Variants in LRRC8D observed in about 807,000 individuals in gnomAD.
LRRC8D encodes the protein leucine rich repeat containing 8 VRAC subunit D.
Under a neutral mutation model 55.8 loss-of-function variants are expected in LRRC8D, and 20 were observed. The ratio of observed to expected loss-of-function variants is 0.36; its 90% CI spans 0.25 to 0.52. The LOEUF (loss-of-function observed/expected upper bound fraction) is 0.52, where lower values mean the gene tolerates loss of function less well. LRRC8D is among the 20% of genes least tolerant of loss of function. LRRC8D has a pLI of 0.93. For synonymous variants in LRRC8D, 352 were observed against 377.0 expected, an observed-to-expected ratio of 0.93 and a Z score of 0.77; for missense variants, 651 against 1,030.8, an observed-to-expected ratio of 0.63 and a Z score of 5.05.
At chr1:89,887,433 C>T (rs906439731) in intron 2 of LRRC8D, among the ~76,000 whole-genome samples, 1 of 152,182 alleles carries the variant, frequency 6.6e-6, no homozygotes, top group Non-Finnish European at 1.5e-5. Flanking sequence ...CAGAATGACA[C>T]ACATGATCTA....
At chr1:89,929,507 T>G (rs1215316664) in intron 2 of LRRC8D, among the ~76,000 whole-genome samples, 3 of 152,150 alleles carry the variant, frequency 2.0e-5, no homozygotes, top group Non-Finnish European at 4.4e-5. Flanking sequence ...ATAATCATGG[T>G]GTAAAAGACA....
chr1:89,875,040 TG>T (rs920136325), intron 2 of LRRC8D, among the ~76,000 whole-genome samples: 5 of 152,108 alleles, frequency 3.3e-5, no homozygotes, highest in African/African-American at 4.8e-5. Flanking sequence ...CATTATTTAG[TG>T]GGGGGAATAT....
At chr1:89,826,453 A>C (rs1292767224) in intron 1 of LRRC8D, among the ~76,000 whole-genome samples, 1 of 151,958 alleles carries the variant, frequency 6.6e-6, no homozygotes, top group Non-Finnish European at 1.5e-5. Flanking sequence ...TTTAGTAGAG[A>C]TGGGGTTTCA....
chr1:89,854,827 T>C (rs1661511770), intron 2 of LRRC8D, among the ~76,000 whole-genome samples: 1 of 152,152 alleles, frequency 6.6e-6, no homozygotes, highest in Non-Finnish European at 1.5e-5. Context: ...CGTACCCAGG[T>C]GTCTGCAGTT....
At chr1:89,879,280 G>T (rs1662221401) in intron 2 of LRRC8D, among the ~76,000 whole-genome samples, 1 of 152,148 alleles carries the variant, frequency 6.6e-6, no homozygotes. Context: ...TTTAGAAGGT[G>T]GTTCCAATTA....
chr1:89,901,736 GAAAT>G (rs1232485060), intron 2 of LRRC8D, among the ~76,000 whole-genome samples: 2 of 152,214 alleles, frequency 1.3e-5, no homozygotes, highest in African/African-American at 4.8e-5. Flanking sequence ...GCTGCTTAAA[GAAAT>G]AAAGCCGTGA....
chr1:89,910,983 C>T (rs986689122), intron 2 of LRRC8D, among the ~76,000 whole-genome samples: 3 of 152,094 alleles, frequency 2.0e-5, no homozygotes, highest in South Asian at 2.1e-4. Context: ...GTAAACTAGC[C>T]GCTGTAGGTC....
At chr1:89,909,692 C>T (rs1392673048) in intron 2 of LRRC8D, among the ~76,000 whole-genome samples, 1 of 151,880 alleles carries the variant, frequency 6.6e-6, no homozygotes, top group Admixed American at 6.6e-5. Flanking sequence ...CGGTGAAACC[C>T]CGTCTCTACT....
At chr1:89,928,812 C>T (rs1264251744) in intron 2 of LRRC8D, among the ~76,000 whole-genome samples, 1 of 152,214 alleles carries the variant, frequency 6.6e-6, no homozygotes, top group Non-Finnish European at 1.5e-5. Context: ...TGCAAAATAA[C>T]ACTGGTTGCA....
chr1:89,829,657 G>A (rs972989618), intron 1 of LRRC8D, among the ~76,000 whole-genome samples: 2 of 152,146 alleles, frequency 1.3e-5, no homozygotes, highest in South Asian at 2.1e-4. Flanking sequence ...CCTCTGGTTC[G>A]TGCTGCGTGT....
At chr1:89,892,550 G>A (rs1175808154) in intron 2 of LRRC8D, among the ~76,000 whole-genome samples, 5 of 151,300 alleles carry the variant, frequency 3.3e-5, no homozygotes, top group African/African-American at 9.7e-5. Context: ...AGACAGTCTC[G>A]CTCTGTCGCC....
intron 2 of LRRC8D, among the ~76,000 whole-genome samples, chr1:89,897,416 C>T (rs986233957): frequency 2.0e-5 from 3 of 152,022 alleles, no homozygotes; most frequent in Non-Finnish European, 4.4e-5. Flanking sequence ...ACAAGAAAGG[C>T]GAGATTATGT....
chr1:89,828,369 A>G (rs555535800), intron 1 of LRRC8D, among the ~76,000 whole-genome samples: 2 of 152,348 alleles, frequency 1.3e-5, no homozygotes, highest in South Asian at 4.1e-4. Flanking sequence ...TCACCAGCCC[A>G]TGAAAAAATG....
At chr1:89,852,953 G>A (rs1661458133) in intron 2 of LRRC8D, among the ~76,000 whole-genome samples, 1 of 152,192 alleles carries the variant, frequency 6.6e-6, no homozygotes, top group African/African-American at 2.4e-5. Flanking sequence ...CTGAAAGTGT[G>A]AACTTTATCC....
intron 2 of LRRC8D, among the ~76,000 whole-genome samples, chr1:89,900,869 C>A (rs951882978): frequency 2.0e-5 from 3 of 152,196 alleles, no homozygotes; most frequent in African/African-American, 7.2e-5. Flanking sequence ...TCTTAGGAAT[C>A]AGGAATCACA....
chr1:89,863,017 A>C (rs539557391), intron 2 of LRRC8D, among the ~76,000 whole-genome samples: 35 of 152,346 alleles, frequency 2.3e-4, no homozygotes, highest in Non-Finnish European at 2.5e-4. Context: ...ATATAAAGAA[A>C]ATATAGGAAA....
At position 89,884,206 on chromosome 1, in the gene LRRC8D, T is replaced by G. The variant is rs1662356888; in HGVS notation, c.-3+40424T>G. On this transcript the variant is annotated intron_variant, in intron 2 of 2. Coordinates refer to ENST00000337338, the MANE Select transcript of LRRC8D (RefSeq NM_001134479.2). ...AGAATCCTTAATGCGTGAACAGAGA[T>G]TCTTCATTTGTTCTTTATATCTGGT... 1.3e-5 allele frequency among the ~76,000 whole-genome samples: 2 copies of G among 152,228 alleles called. 1 individual carries two copies. Among genetic ancestry groups the G allele is most frequent in the South Asian group, 4.1e-4 (2 of 4,830 alleles).
At chr1:89,880,581 GTGCCTTA>G (rs1186289897) in intron 2 of LRRC8D, among the ~76,000 whole-genome samples, 1 of 151,858 alleles carries the variant, frequency 6.6e-6, no homozygotes, top group Non-Finnish European at 1.5e-5. Context: ...TCCATGCTTG[GTGCCTTA>G]TGTGTATATA....
intron 2 of LRRC8D, among the ~76,000 whole-genome samples, chr1:89,891,986 A>G (rs1662589750): frequency 6.6e-6 from 1 of 152,180 alleles, no homozygotes; most frequent in African/African-American, 2.4e-5. Flanking sequence ...TTCCATGTAT[A>G]ATGTCCATCA....
Sources: gnomAD v4.1 joint callset for allele counts (sites outside exome capture counted in the v4.1 genomes callset) on GRCh38, gnomAD v4.1.1 for gene constraint, MANE v1.5 for transcripts, NCBI Gene and HGNC (gene_info 2026-07-23, HGNC 2026-07-21) for gene names.